Variants in NXPH1 observed in about 807,000 individuals in gnomAD.
NXPH1 encodes neurexophilin 1.
NXPH1 carries 5 observed loss-of-function variants against 23.7 expected under a neutral mutation model. That is an observed-to-expected ratio of 0.21 (90% CI 0.11 to 0.44). NXPH1 has a LOEUF of 0.44. Among genes scored for constraint, NXPH1 ranks in the 20% least tolerant of loss-of-function variants. The pLI, the probability that NXPH1 is intolerant of heterozygous loss-of-function variation, is 0.99. For synonymous variants in NXPH1, 144 were observed against 122.2 expected (o/e 1.18, Z -1.18); for missense variants, 324 against 321.6 (o/e 1.01, Z -0.06).
chr7:8,703,808 C>A (rs1315176554), intron 2 of NXPH1, among the ~76,000 whole-genome samples: 1 of 152,048 alleles, frequency 6.6e-6, no homozygotes, highest in East Asian at 1.9e-4. Flanking sequence ...TGCGGGCCAA[C>A]CCACTAGAAA....
intron 2 of NXPH1, among the ~76,000 whole-genome samples, chr7:8,651,736 C>T (rs1820494913): frequency 6.6e-6 from 1 of 152,092 alleles, no homozygotes; most frequent in Admixed American, 6.6e-5. Flanking sequence ...TGCCTTTATC[C>T]TATGTTATGA....
chr7:8,500,425 G>A (rs1177740846), intron 2 of NXPH1, among the ~76,000 whole-genome samples: 10 of 152,188 alleles, frequency 6.6e-5, no homozygotes, highest in Non-Finnish European at 8.8e-5. Flanking sequence ...GAATTCGAGC[G>A]TGGCATTTTC....
At chr7:8,629,761 C>A (rs971673347) in intron 2 of NXPH1, among the ~76,000 whole-genome samples, 1 of 152,142 alleles carries the variant, frequency 6.6e-6, no homozygotes, top group African/African-American at 2.4e-5. Flanking sequence ...CAGTATATTA[C>A]AAATGAGTCA....
chr7:8,505,211 C>T (rs924895397), intron 2 of NXPH1, among the ~76,000 whole-genome samples: 2 of 152,006 alleles, frequency 1.3e-5, no homozygotes, highest in African/African-American at 2.4e-5. Context: ...ACTTTCTATA[C>T]GTACCCTTAA....
chr7:8,438,137 T>C (rs1816228082), intron 2 of NXPH1, among the ~76,000 whole-genome samples: 1 of 152,210 alleles, frequency 6.6e-6, no homozygotes, highest in Non-Finnish European at 1.5e-5. Context: ...AAAGGGTGAA[T>C]TGGGCAGTCA....
chr7:8,729,082 C>T (rs1009526593), intron 2 of NXPH1, among the ~76,000 whole-genome samples: 5 of 151,698 alleles, frequency 3.3e-5, no homozygotes, highest in South Asian at 4.2e-4. Context: ...GTGTATGTCT[C>T]GAGGAATTTA....
rs1328251556 is a variant in NXPH1, at chr7:8,735,284, T to A, written c.55-15724T>A. On this transcript the variant is annotated intron_variant, in intron 2 of 2. Transcript: ENST00000405863. ...TATGACATTGGCTGTGGGTTTGTCA[T>A]AAATAGCTCTTAGTATTTTAAGATA... 2.6e-5 allele frequency among the ~76,000 whole-genome samples: 4 copies of A among 152,340 alleles called. No individual in the cohort carries two copies. The East Asian group carries it at 7.7e-4, about 29-fold the overall frequency.
rs1370516673 is a variant in NXPH1 at position 8,571,033 on chromosome 7, AAT to A, written c.54+135267_54+135268del. On this transcript the variant is annotated intron_variant, in intron 2 of 2. Coordinates refer to ENST00000405863, the MANE Select transcript of NXPH1 (RefSeq NM_152745.3). Reference sequence around the variant, plus strand: ...TCTGTCTGTCTATCTAATCTAATCTAATCTAATCTAATCTAATCTAATCTAAT... The same window carrying A: ...TCTGTCTGTCTATCTAATCTAATCTACTAATCTAATCTAATCTAATCTAAT... 5.3e-5 allele frequency among the ~76,000 whole-genome samples: 5 copies of A among 93,864 alleles called. No homozygotes were observed. In the East Asian group the frequency reaches 1.9e-3, roughly 36 times the overall value. The allele number at this position is 93,864 out of a possible 152,430, so 61.6% of individuals were successfully genotyped here.
chr7:8,445,409 G>T (rs1001123178), intron 2 of NXPH1, among the ~76,000 whole-genome samples: 1 of 152,196 alleles, frequency 6.6e-6, no homozygotes. Flanking sequence ...GCAGAAAGAG[G>T]TGACTGGAAA....
In NXPH1 at chr7:8,661,188, C is replaced by A. The variant is rs552582097; in HGVS notation, c.55-89820C>A. Among the ~76,000 whole-genome samples, 47 of 150,120 alleles carry A rather than the reference C, an allele frequency of 3.1e-4. No homozygotes were observed. In the South Asian group the frequency reaches 8.9e-3, roughly 29 times the overall value. On this transcript the variant is annotated intron_variant, in intron 2 of 2. Coordinates refer to ENST00000405863, the MANE Select transcript of NXPH1 (RefSeq NM_152745.3). ...GAATATTTCACCAATTTATTTTATC[C>A]TTAAAATGCATTTGAAACTTTTTGT...
intron 2 of NXPH1, among the ~76,000 whole-genome samples, chr7:8,504,259 C>T (rs1383711012): frequency 6.6e-6 from 1 of 151,946 alleles, no homozygotes; most frequent in Non-Finnish European, 1.5e-5. Context: ...CAACCTCCAC[C>T]CTATTATTAG....
At chr7:8,693,977 A>G (rs571396622) in intron 2 of NXPH1, among the ~76,000 whole-genome samples, 3 of 152,334 alleles carry the variant, frequency 2.0e-5, no homozygotes, top group African/African-American at 7.2e-5. Context: ...AATTTAAAAT[A>G]TATATCTTTT....
At chr7:8,554,991 T>C (rs1584229282) in intron 2 of NXPH1, among the ~76,000 whole-genome samples, 3 of 151,840 alleles carry the variant, frequency 2.0e-5, no homozygotes, top group Admixed American at 2.0e-4. Context: ...CACACATAGA[T>C]GTCATCTTCT....
At chr7:8,611,323 T>C (rs1308447479) in intron 2 of NXPH1, among the ~76,000 whole-genome samples, 1 of 152,196 alleles carries the variant, frequency 6.6e-6, no homozygotes, top group Non-Finnish European at 1.5e-5. Flanking sequence ...ATTACCTCTG[T>C]CTTCCTTTGG....
chr7:8,486,524 G>T (rs997934977), intron 2 of NXPH1, among the ~76,000 whole-genome samples: 50 of 152,184 alleles, frequency 3.3e-4, no homozygotes, highest in African/African-American at 1.2e-3. Flanking sequence ...CAGACCTGCT[G>T]TGTGAACTCA....
intron 2 of NXPH1, among the ~76,000 whole-genome samples, chr7:8,686,141 A>G (rs1350366443): frequency 6.6e-6 from 1 of 152,198 alleles, no homozygotes; most frequent in Non-Finnish European, 1.5e-5. Context: ...AAAGTTAAGT[A>G]TTTGATAAAA....
chr7:8,478,189 A>G (rs932713706), intron 2 of NXPH1, among the ~76,000 whole-genome samples: 1 of 152,140 alleles, frequency 6.6e-6, no homozygotes, highest in East Asian at 1.9e-4. Context: ...AAAAGCCACC[A>G]GAAAAACATG....
intron 2 of NXPH1, among the ~76,000 whole-genome samples, chr7:8,647,933 A>T (rs1820421981): frequency 6.6e-6 from 1 of 152,108 alleles, no homozygotes; most frequent in African/African-American, 2.4e-5. Flanking sequence ...AGTTCTTATA[A>T]TGTGTTTCTA....
intron 2 of NXPH1, among the ~76,000 whole-genome samples, chr7:8,639,054 C>G (rs1820265558): frequency 6.6e-6 from 1 of 152,110 alleles, no homozygotes; most frequent in East Asian, 1.9e-4. Flanking sequence ...TAGTTTTTGG[C>G]ATAGGGCAAG....
Sources: gnomAD v4.1 joint callset for allele counts (sites outside exome capture counted in the v4.1 genomes callset) on GRCh38, gnomAD v4.1.1 for gene constraint, MANE v1.5 for transcripts, NCBI Gene and HGNC (gene_info 2026-07-23, HGNC 2026-07-21) for gene names.